KIAA1217: variants seen among roughly 807,000 people sequenced by gnomAD.
KIAA1217 encodes sickle tail protein homolog.
Under a neutral mutation model 163.9 loss-of-function variants are expected in KIAA1217, and 88 were observed. The observed-to-expected ratio is 0.54, with a 90% CI of 0.45 to 0.64. The LOEUF (loss-of-function observed/expected upper bound fraction) is 0.64, where lower values mean the gene tolerates loss of function less well. KIAA1217 is among the 30% of genes least tolerant of loss of function. The probability of loss-of-function intolerance (pLI) is 0.00; values close to 1 mark genes in which losing one functional copy is unlikely to be tolerated. For missense variants in KIAA1217, 2,372 were observed against 2,475.0 expected, an observed-to-expected ratio of 0.96 and a Z score of 0.88; for synonymous variants, 903 against 923.1, an observed-to-expected ratio of 0.98 and a Z score of 0.39.
intron 3 of KIAA1217, among the ~76,000 whole-genome samples, chr10:24,393,163 G>A (rs1022180352): frequency 2.0e-5 from 3 of 152,166 alleles, no homozygotes; most frequent in African/African-American, 4.8e-5. Flanking sequence ...CCTAGCAGTG[G>A]CCTCCAGAAG....
At chr10:24,188,263 A>G (rs770546302) in intron 2 of KIAA1217, among the ~76,000 whole-genome samples, 33 of 152,186 alleles carry the variant, frequency 2.2e-4, no homozygotes, top group African/African-American at 7.7e-4. Context: ...GTTTATTTGT[A>G]GTGTTTTAAG....
chr10:24,520,627 C>CAAAAAAAAAAAAAAAAA, intron 11 of KIAA1217, among the ~76,000 whole-genome samples: 1 of 44,942 alleles, frequency 2.2e-5, no homozygotes, highest in African/African-American at 1.3e-4. Context: ...ACATCTCTAC[C>CAAAAAAAAAAAAAAAAA]AAAAAAAAAA....
chr10:23,840,255 A>G (rs1838707216), intron 1 of KIAA1217, among the ~76,000 whole-genome samples: 2 of 152,034 alleles, frequency 1.3e-5, no homozygotes, highest in East Asian at 1.9e-4. Context: ...TCCCAGGTTC[A>G]AGCAATTCTT....
intron 1 of KIAA1217, among the ~76,000 whole-genome samples, chr10:23,886,282 A>T (rs902036559): frequency 6.6e-6 from 1 of 151,972 alleles, no homozygotes; most frequent in African/African-American, 2.4e-5. Flanking sequence ...TTTGGATCAG[A>T]AAACAATATT....
intron 1 of KIAA1217, among the ~76,000 whole-genome samples, chr10:23,706,126 A>T (rs1430911150): frequency 6.6e-6 from 1 of 152,136 alleles, no homozygotes; most frequent in Non-Finnish European, 1.5e-5. Context: ...ACCTTGCTAA[A>T]CAAATTTATT....
chr10:23,769,694 G>T (rs768840254), intron 1 of KIAA1217, among the ~76,000 whole-genome samples: 1 of 152,184 alleles, frequency 6.6e-6, no homozygotes, highest in Non-Finnish European at 1.5e-5. Context: ...TTATAATTTT[G>T]CAGTGGCAGT....
chr10:23,699,954 A>C (rs1310865071), intron 1 of KIAA1217, among the ~76,000 whole-genome samples: 1 of 152,240 alleles, frequency 6.6e-6, no homozygotes, highest in Admixed American at 6.5e-5. Context: ...ACACTTGATG[A>C]AAATTTGTTG....
chr10:23,955,654 G>A (rs907707800), intron 1 of KIAA1217, among the ~76,000 whole-genome samples: 1 of 152,184 alleles, frequency 6.6e-6, no homozygotes, highest in Non-Finnish European at 1.5e-5. Context: ...GGAGATTAAG[G>A]CATTTGAGAG....
chr10:23,898,306 C>T (rs2366593), intron 1 of KIAA1217, among the ~76,000 whole-genome samples: 17,512 of 91,412 alleles, frequency 0.19, 3,319 homozygotes, highest in African/African-American at 0.51. Flanking sequence ...TATATATATA[C>T]ACACACACAC....
At chr10:24,026,742 A>ATTTTTTTTTTTTTTTTTTTTTCTTTTT in intron 2 of KIAA1217, among the ~76,000 whole-genome samples, 2 of 70,094 alleles carry the variant, frequency 2.9e-5, no homozygotes, top group Non-Finnish European at 5.5e-5. Flanking sequence ...TATTTCATTG[A>ATTTTTTTTTTTTTTTTTTTTTCTTTTT]TTTTTTTTTT....
chr10:24,332,007 G>A (rs1370912990), intron 2 of KIAA1217, among the ~76,000 whole-genome samples: 1 of 152,172 alleles, frequency 6.6e-6, no homozygotes, highest in Non-Finnish European at 1.5e-5. Flanking sequence ...CACCATGTTG[G>A]CCAGGCTGGT....
At chr10:24,239,495 CTTTT>C (rs34650424) in intron 2 of KIAA1217, among the ~76,000 whole-genome samples, 17 of 134,742 alleles carry the variant, frequency 1.3e-4, no homozygotes, top group Non-Finnish European at 2.1e-4. Flanking sequence ...TTTTTAAGGG[CTTTT>C]TTTTTTTTTT....
intron 5 of KIAA1217, among the ~76,000 whole-genome samples, chr10:24,450,354 C>T (rs1279604397): frequency 1.3e-5 from 2 of 152,140 alleles, no homozygotes; most frequent in African/African-American, 4.8e-5. Context: ...ACATTAAAAA[C>T]TTCTACAGTT....
chr10:24,483,374 CT>C (rs2064952586), intron 6 of KIAA1217, among the ~76,000 whole-genome samples: 1 of 152,156 alleles, frequency 6.6e-6, no homozygotes, highest in Admixed American at 6.5e-5. Context: ...CACCTTCCGC[CT>C]GTTCTCATTG....
intron 2 of KIAA1217, among the ~76,000 whole-genome samples, chr10:24,121,311 C>G (rs2063273150): frequency 1.3e-5 from 2 of 152,194 alleles, no homozygotes; most frequent in African/African-American, 4.8e-5. Flanking sequence ...TTTCAGTTGT[C>G]TCTCCTCTGT....
intron 1 of KIAA1217, among the ~76,000 whole-genome samples, chr10:23,780,249 T>C (rs1415712896): frequency 1.3e-5 from 2 of 152,234 alleles, no homozygotes; most frequent in Non-Finnish European, 2.9e-5. Context: ...CCATTGTCTC[T>C]CATAGTTATA....
intron 1 of KIAA1217, among the ~76,000 whole-genome samples, chr10:23,875,902 G>A: frequency 7.9e-6 from 1 of 126,970 alleles, no homozygotes. Flanking sequence ...TAAACAATGA[G>A]AACACATGGA....
intron 2 of KIAA1217, among the ~76,000 whole-genome samples, chr10:24,192,645 C>T (rs1186604319): frequency 6.6e-6 from 1 of 152,230 alleles, no homozygotes; most frequent in Non-Finnish European, 1.5e-5. Flanking sequence ...CACACCAGGA[C>T]TCTTGAGGTC....
rs1205960460 is a variant in KIAA1217 at position 23,810,496 on chromosome 10, G to C, written c.-321+115262G>C. Among the ~76,000 whole-genome samples, 2 of 135,002 alleles carry C rather than the reference G, an allele frequency of 1.5e-5. 1 individual carries two copies. Among genetic ancestry groups the C allele is most frequent in the South Asian group, 4.5e-4 (2 of 4,446 alleles). 88.6% of individuals were successfully genotyped at this position (135,002 alleles called of 152,430 possible). A position where few individuals can be genotyped will look rare whatever the true frequency, so the allele number is the denominator to read the frequency against. On this transcript the variant is annotated intron_variant, in intron 1 of 18. Coordinates refer to the KIAA1217 transcript ENST00000376462. The stretch of plus-strand genomic sequence containing the variant: ...CTATATATATACTATATTATACTAT[G>C]TATAATCTATATATACTATAGATAA...
Sources: allele counts gnomAD v4.1 joint callset (sites outside exome capture counted in the v4.1 genomes callset), GRCh38; gene constraint gnomAD v4.1.1; transcripts MANE v1.5; gene names NCBI Gene and HGNC (gene_info 2026-07-23, HGNC 2026-07-21).